Variants in ARRDC3 observed in about 807,000 individuals in gnomAD.
The protein encoded by ARRDC3 is arrestin domain-containing protein 3.
Under a neutral mutation model 47.2 loss-of-function variants are expected in ARRDC3, and 10 were observed. The ratio of observed to expected loss-of-function variants is 0.21; its 90% CI spans 0.13 to 0.36. The LOEUF (loss-of-function observed/expected upper bound fraction) is 0.36, where lower values mean the gene tolerates loss of function less well. ARRDC3 is among the 10% of genes least tolerant of loss of function. The pLI, the probability that ARRDC3 is intolerant of heterozygous loss-of-function variation, is 1.00. For synonymous variants in ARRDC3, 156 were observed against 178.3 expected (o/e 0.87, Z 1.00); for missense variants, 381 against 503.6 (o/e 0.76, Z 2.33).
At position 91,370,380 on chromosome 5, in the gene ARRDC3, T is replaced by A. The variant is rs560514859; in HGVS notation, c.*1020A>T. On this transcript the variant is annotated 3_prime_UTR_variant, in exon 8 of 8. Transcript: ENST00000265138. ...TGCCTTTCTTCACTCCATTCTTAGC[T>A]CTGCTAGTTTCTTCTTGTATGTCAT... The A allele has an allele frequency of 1.2e-4, 18 of 152,596 alleles. No homozygotes were observed. Among genetic ancestry groups the A allele is most frequent in the Non-Finnish European group, 2.5e-4 (17 of 68,036 alleles). The allele number at this position is 152,596 out of a possible 1,614,324, so 9.5% of individuals were successfully genotyped here. A position where few individuals can be genotyped will look rare whatever the true frequency, so the allele number is the denominator to read the frequency against.
rs1282733377 is a variant in ARRDC3, at chr5:91,370,621, A to C, written c.*779T>G. ...AATGCTGCTTTGCTGTAATAGTAGA[A>C]AGGCAACAAATTCTTAAAAGAAACC... is the stretch of plus-strand genomic sequence containing the variant. On this transcript the variant is annotated 3_prime_UTR_variant, in exon 8 of 8. Transcript: ENST00000265138. 6.6e-6 allele frequency: 1 copy of C among 152,606 alleles called. No homozygotes were observed. Among genetic ancestry groups the C allele is most frequent in the Admixed American group, 6.5e-5 (1 of 15,276 alleles). 9.5% of individuals were successfully genotyped at this position (152,606 alleles called of 1,614,324 possible).
intron 3 of ARRDC3, among the ~76,000 whole-genome samples, chr5:91,376,033 A>T (rs538221974): frequency 1.1e-3 from 166 of 152,328 alleles, no homozygotes; most frequent in Non-Finnish European, 7.1e-4. Flanking sequence ...TTAAAAAATC[A>T]ATATGTAAAA....
rs1442683631 is a variant in ARRDC3 at position 91,382,857 on chromosome 5, A to G, written c.236T>C (p.Val79Ala). ...TAYTQNYTEEVEYFNHKDILI... is the reference protein window; with the variant it reads ...TAYTQNYTEEAEYFNHKDILI... The stretch of plus-strand genomic sequence containing the variant: ...GATGTCTTTATGGTTGAAATACTCT[A>G]CTTCTTCAGTGTAATTCTGTGTATA... The change falls in exon 1 of 8, where the codon GTA becomes GCA. Residue 79 changes from valine (V) to alanine (A), a missense_variant. Transcript: ENST00000265138. 1 of 1,614,014 alleles carries G rather than the reference A, an allele frequency of 6.2e-7. No homozygotes were observed. Among genetic ancestry groups the G allele is most frequent in the Non-Finnish European group, 8.5e-7 (1 of 1,179,988 alleles).
intron 7 of ARRDC3, among the ~76,000 whole-genome samples, chr5:91,371,779 GTACT>G (rs368560250): frequency 6.6e-6 from 1 of 152,242 alleles, no homozygotes; most frequent in African/African-American, 2.4e-5. Context: ...TACTTTAGTA[GTACT>G]TAATTAAGAC....
chr5:91,369,979 T>C lies in ARRDC3; in HGVS notation c.*1421A>G, dbSNP rs1344529882. ...GTTCTTTAGGTAATGAAAAACAGTA[T>C]TCTCATTAGAAAAACACAAAAATCC... On this transcript the variant is annotated 3_prime_UTR_variant, in exon 8 of 8. Transcript: ENST00000265138. 2 of 152,190 alleles carry C rather than the reference T, an allele frequency of 1.3e-5. No individual in the cohort carries two copies. Among genetic ancestry groups the C allele is most frequent in the Non-Finnish European group, 2.9e-5 (2 of 68,028 alleles). 9.4% of individuals were successfully genotyped at this position (152,190 alleles called of 1,614,324 possible).
intron 7 of ARRDC3, 149 bp downstream of exon 7, chr5:91,373,535 A>C (rs6866923): frequency 0.22 from 171,955 of 789,866 alleles, 24,906 homozygotes; most frequent in East Asian, 0.57. Context: ...ATATTGATGA[A>C]CCTAATATTA....
At chr5:91,373,602 A>G (rs1799229259) in intron 7 of ARRDC3, 82 bp downstream of exon 7, 3 of 1,343,354 alleles carry the variant, frequency 2.2e-6, no homozygotes, top group African/African-American at 1.5e-5. Context: ...TCAAGATCTA[A>G]TAACATTAAG....
chr5:91,379,245 G>A (rs950229952), intron 1 of ARRDC3, among the ~76,000 whole-genome samples: 21 of 109,434 alleles, frequency 1.9e-4, no homozygotes, highest in Non-Finnish European at 2.0e-4. Flanking sequence ...GATGTGAATA[G>A]AATAGATACT....
Position 91,374,178 on chromosome 5 carries a change from A to C in ARRDC3, c.969T>G (p.Ser323Arg). The C allele has an allele frequency of 6.2e-7, 1 of 1,614,090 alleles. No homozygotes were observed. Among genetic ancestry groups the C allele is most frequent in the Non-Finnish European group, 8.5e-7 (1 of 1,179,952 alleles). Residue 323 changes from serine (S) to arginine (R), a missense_variant, in exon 6 of 8, where the codon AGT becomes AGG. Physicochemically the swap from Ser to Arg is moderately radical, Grantham distance 110. Transcript: ENST00000265138. ...TATTCATGCTACACTGACTGCTTAC[A>C]CTTGAGGTTCTGCTACCAAATGGAT... The part of the protein sequence containing the change: ...PLHPFGSRTS[S>R]VSSQCSMNMN...
In ARRDC3 at chr5:91,373,705, C is replaced by G; in HGVS notation, c.1167G>C (p.Leu389Phe). ...LFAYIQEFRF[L>F]PPPLYSEIDP... ...TTACCTCTGAATAAAGAGGTGGAGG[C>G]AAGAATCGAAACTCCTGGATATATG... The change falls in exon 7 of 8, where the codon TTG (leucine) becomes TTC (phenylalanine). Residue 389 changes from leucine (L) to phenylalanine (F), a missense_variant. Transcript: ENST00000265138. 6.2e-7 allele frequency: 1 copy of G among 1,613,696 alleles called. No individual in the cohort carries two copies. Among genetic ancestry groups the G allele is most frequent in the East Asian group, 2.2e-5 (1 of 44,870 alleles).
chr5:91,383,083 C>T lies in ARRDC3; in HGVS notation c.10G>A (p.Gly4Arg). MVL[G>R]KVKSLTISFD... ...CTTATTGTCAAACTCTTCACCTTTCCCAGCACCATGTTTATAACAAAATCT... is the reference window on the plus strand; with the variant it reads ...CTTATTGTCAAACTCTTCACCTTTCTCAGCACCATGTTTATAACAAAATCT... Residue 4 changes from glycine (G) to arginine (R), a missense_variant, in exon 1 of 8, where the codon GGA (glycine) becomes AGA (arginine). By Grantham distance (125) the Gly-to-Arg change is moderately radical. Transcript: ENST00000265138. The T allele has an allele frequency of 6.2e-7, 1 of 1,600,768 alleles. No individual in the cohort carries two copies. The highest frequency in any genetic ancestry group is 8.5e-7 in the Non-Finnish European group (1 of 1,174,680).
In ARRDC3 at chr5:91,374,961, G is replaced by A. The variant is rs747239926; in HGVS notation, c.831C>T (p.Ile277=). ...LLKIPPVSPS[I]LDCSIIRVEY... ...CCACGCGGATTATACTACAGTCGAG[G>A]ATAGAGGGAGAAACTGGTGGAATTT... Residue 277 remains isoleucine, a synonymous_variant, in exon 5 of 8, where the codon ATC becomes ATT. Transcript: ENST00000265138. 1.2e-6 allele frequency: 2 copies of A among 1,614,174 alleles called. No individual in the cohort carries two copies. Among genetic ancestry groups the A allele is most frequent in the South Asian group, 2.2e-5 (2 of 91,082 alleles).
Position 91,368,779 on chromosome 5 carries a change from G to A in ARRDC3, c.*2621C>T, listed in dbSNP as rs904223188. ...TATTTTCCACAAGGAAGAGCAATAG[G>A]AAAAATTAAATCATTTCCCACATAT... On this transcript the variant is annotated 3_prime_UTR_variant, in exon 8 of 8. Transcript: ENST00000265138. The A allele has an allele frequency of 2.0e-5, 3 of 152,248 alleles. No homozygotes were observed. Among genetic ancestry groups the A allele is most frequent in the African/African-American group, 7.3e-5 (3 of 41,284 alleles). The allele number at this position is 152,248 out of a possible 1,614,324, so 9.4% of individuals were successfully genotyped here.
intron 1 of ARRDC3, 91 bp from the exon 2 acceptor site, chr5:91,378,866 CAATT>C (rs1178086821): frequency 4.3e-5 from 29 of 682,076 alleles, no homozygotes; most frequent in Non-Finnish European, 2.1e-5. Flanking sequence ...GCTTACATAA[CAATT>C]AAGACCACAA....
chr5:91,371,701 C>T (rs561454288), intron 7 of ARRDC3, among the ~76,000 whole-genome samples: 28 of 152,220 alleles, frequency 1.8e-4, no homozygotes, highest in South Asian at 8.3e-4. Flanking sequence ...AAAGGCATGT[C>T]TGAATAGTCC....
rs1272633925 is a variant in ARRDC3 at position 91,376,679 on chromosome 5, T to C, written c.452A>G (p.Lys151Arg). 1 of 1,613,732 alleles carries C rather than the reference T, an allele frequency of 6.2e-7. No individual in the cohort carries two copies. Among genetic ancestry groups the C allele is most frequent in the Non-Finnish European group, 8.5e-7 (1 of 1,179,696 alleles). Residue 151 changes from lysine to arginine, a missense_variant, in exon 3 of 8, where the codon AAA (lysine) becomes AGA (arginine). Coordinates refer to ENST00000265138, the MANE Select transcript of ARRDC3 (RefSeq NM_020801.4). ...AAAGACTGTAAATTCCTTCTTTAAT[T>C]TTACTGGTAGTAGCCAAGGCCTGTG... ...ELHRPWLLPV[K>R]LKKEFTVFEH...
chr5:91,381,910 G>A (rs930983154), intron 1 of ARRDC3, among the ~76,000 whole-genome samples: 2 of 152,100 alleles, frequency 1.3e-5, no homozygotes, highest in African/African-American at 4.8e-5. Flanking sequence ...TCTAACAAAG[G>A]GTGGAAACTT....
chr5:91,382,739 G>A, intron 1 of ARRDC3, 74 bp downstream of exon 1: 3 of 1,456,354 alleles, frequency 2.1e-6, no homozygotes, highest in Admixed American at 2.0e-5. Flanking sequence ...GTAGAATCAC[G>A]TTAATTCAGA....
Position 91,369,013 on chromosome 5 carries a change from C to A in ARRDC3, c.*2387G>T, listed in dbSNP as rs1177612102. ...TGGAATACAACTGTGAACCTCACAT[C>A]TTATGTCAGGAATTGACCAATATTT... On this transcript the variant is annotated 3_prime_UTR_variant, in exon 8 of 8. Coordinates refer to ENST00000265138, the MANE Select transcript of ARRDC3 (RefSeq NM_020801.4). 1 of 152,546 alleles carries A rather than the reference C, an allele frequency of 6.6e-6. No individual in the cohort carries two copies. Among genetic ancestry groups the A allele is most frequent in the Non-Finnish European group, 1.5e-5 (1 of 68,026 alleles). The allele number at this position is 152,546 out of a possible 1,614,324, so 9.4% of individuals were successfully genotyped here. A position where few individuals can be genotyped will look rare whatever the true frequency, so the allele number is the denominator to read the frequency against.
Sources: allele counts gnomAD v4.1 joint callset (sites outside exome capture counted in the v4.1 genomes callset), GRCh38; gene constraint gnomAD v4.1.1; transcripts MANE v1.5; gene names NCBI Gene and HGNC (gene_info 2026-07-23, HGNC 2026-07-21).